Variants in SNX29 observed in about 807,000 individuals in gnomAD.
The protein encoded by SNX29 is sorting nexin-29.
SNX29 carries 78 observed loss-of-function variants against 102.1 expected under a neutral mutation model. That is an observed-to-expected ratio of 0.76 (90% confidence interval 0.64 to 0.92). The LOEUF is 0.92. Ranked by LOEUF, SNX29 falls within the 40% of genes least tolerant of loss-of-function variation. The pLI is 0.00. For synonymous variants in SNX29, 580 were observed against 414.5 expected, an observed-to-expected ratio of 1.40 and a Z score of -4.85; for missense variants, 1,280 against 1,061.7, an observed-to-expected ratio of 1.21 and a Z score of -2.86.
intron 20 of SNX29, among the ~76,000 whole-genome samples, chr16:12,548,759 A>ATC (rs1478352253): frequency 6.6e-6 from 1 of 152,144 alleles, no homozygotes; most frequent in Non-Finnish European, 1.5e-5. Flanking sequence ...TGCTGAGCTC[A>ATC]TCTCTCATCC....
chr16:12,069,229 G>T, intron 10 of SNX29, 97 bp downstream of exon 10: 1 of 1,001,824 alleles, frequency 1.0e-6, no homozygotes, highest in Admixed American at 2.3e-5. Context: ...CACCTGCTAG[G>T]ATTAAAGGGC....
At chr16:12,213,698 C>G (rs1308982218) in intron 14 of SNX29, among the ~76,000 whole-genome samples, 1 of 152,156 alleles carries the variant, frequency 6.6e-6, no homozygotes, top group Non-Finnish European at 1.5e-5. Context: ...ATAGAGCAAA[C>G]CTTTTCAAAA....
rs1286901151 is a variant in SNX29 at position 12,563,937 on chromosome 16, G to A, written c.2319-4569G>A. ...CGAAGACCTACAATACCTAGACGCT[G>A]ATCTTGTTCAAGAAAGACGAGGAAG... On this transcript the variant is annotated intron_variant, in intron 20 of 20. Coordinates refer to ENST00000566228, the MANE Select transcript of SNX29 (RefSeq NM_032167.5). Among the ~76,000 whole-genome samples, 4 of 152,334 alleles carry A rather than the reference G, an allele frequency of 2.6e-5. No individual in the cohort carries two copies. The South Asian group carries it at 6.2e-4, about 24-fold the overall frequency.
intron 20 of SNX29, among the ~76,000 whole-genome samples, chr16:12,563,719 A>C (rs140895886): frequency 0.016 from 2,507 of 152,332 alleles, 74 homozygotes; most frequent in Admixed American, 0.079. Context: ...GAGGAAAGCC[A>C]GAGATGGCAC....
intron 15 of SNX29, among the ~76,000 whole-genome samples, chr16:12,300,762 G>A (rs2151096753): frequency 6.6e-6 from 1 of 152,286 alleles, no homozygotes; most frequent in East Asian, 1.9e-4. Flanking sequence ...CAGCCTTGAT[G>A]ACATTTTGGA....
At chr16:12,015,267 G>T (rs561654538) in intron 3 of SNX29, among the ~76,000 whole-genome samples, 2 of 151,426 alleles carry the variant, frequency 1.3e-5, no homozygotes, top group East Asian at 3.9e-4. Flanking sequence ...ATATTTTTTG[G>T]AGATGGTGTC....
intron 20 of SNX29, among the ~76,000 whole-genome samples, chr16:12,565,745 A>G (rs751258812): frequency 1.3e-5 from 2 of 152,008 alleles, no homozygotes; most frequent in Non-Finnish European, 2.9e-5. Flanking sequence ...CCCCCTCCCC[A>G]TGGGCCTGCC....
rs1047589864 is a variant in SNX29, at chr16:12,325,318, G to A, written c.1783-30845G>A. Among the ~76,000 whole-genome samples, 7 of 152,132 alleles carry A rather than the reference G, an allele frequency of 4.6e-5. No homozygotes were observed. In the East Asian group the frequency reaches 7.7e-4, roughly 17 times the overall value. On this transcript the variant is annotated intron_variant, in intron 15 of 20. Transcript: ENST00000566228. ...CAGATTTTAATTTGACAAGGAAACC[G>A]CCTAAGAGGAAGGATTGAAAAGCCA...
intron 15 of SNX29, among the ~76,000 whole-genome samples, chr16:12,322,849 A>AGGGGACCACTGTCAGGATGCGGTCACTG (rs2080986657): frequency 2.1e-5 from 3 of 145,126 alleles, no homozygotes; most frequent in Non-Finnish European, 3.0e-5. Flanking sequence ...TGCGGTCACT[A>AGGGGACCACTGTCAGGATGCGGTCACTG]GGGGACCACT....
chr16:12,536,397 C>T (rs551481901), intron 20 of SNX29, among the ~76,000 whole-genome samples: 1 of 151,992 alleles, frequency 6.6e-6, no homozygotes, highest in South Asian at 2.1e-4. Context: ...ATTAAAGGTA[C>T]AAGCAGAATG....
chr16:12,087,263 T>C (rs944058827), intron 11 of SNX29: 4 of 158,094 alleles, frequency 2.5e-5, no homozygotes, highest in Admixed American at 2.3e-4. Flanking sequence ...CTGGGTATGG[T>C]GGTGGGTGCC....
At chr16:12,454,670 G>C (rs761803989) in intron 18 of SNX29, among the ~76,000 whole-genome samples, 1 of 152,202 alleles carries the variant, frequency 6.6e-6, no homozygotes, top group Non-Finnish European at 1.5e-5. Context: ...ACTTGAGCTT[G>C]AGTGCAGTGG....
chr16:12,545,898 C>G (rs968822928), intron 20 of SNX29, among the ~76,000 whole-genome samples: 2 of 152,098 alleles, frequency 1.3e-5, no homozygotes, highest in Non-Finnish European at 2.9e-5. Context: ...GGTGGGGTAC[C>G]TGGAGCATTC....
In SNX29 at chr16:12,044,392, G is replaced by C. The variant is rs1434347794; in HGVS notation, c.428+1315G>C. Reference sequence around the variant, plus strand: ...CTTAAAAATACTCTTAAAGTTCTCTGTTGCCTGTGGCTCCTTGTTCAATTG... The same window carrying C: ...CTTAAAAATACTCTTAAAGTTCTCTCTTGCCTGTGGCTCCTTGTTCAATTG... On this transcript the variant is annotated intron_variant, in intron 5 of 20. Transcript: ENST00000566228. Among the ~76,000 whole-genome samples, 5 of 152,204 alleles carry C rather than the reference G, an allele frequency of 3.3e-5. No individual in the cohort carries two copies. The East Asian group carries it at 9.7e-4, about 29-fold the overall frequency.
chr16:12,444,051 G>C (rs1424660004), intron 18 of SNX29, among the ~76,000 whole-genome samples: 1 of 147,956 alleles, frequency 6.8e-6, no homozygotes, highest in Non-Finnish European at 1.5e-5. Context: ...CTAGCACGTA[G>C]TAAGCACTCA....
chr16:12,505,072 C>G (rs2089309615), intron 19 of SNX29, among the ~76,000 whole-genome samples: 1 of 152,150 alleles, frequency 6.6e-6, no homozygotes, highest in Non-Finnish European at 1.5e-5. Flanking sequence ...GAATTTAAGA[C>G]CAGCCTGGGC....
intron 16 of SNX29, among the ~76,000 whole-genome samples, chr16:12,385,550 C>A (rs777817423): frequency 2.0e-4 from 31 of 152,196 alleles, no homozygotes; most frequent in Non-Finnish European, 3.8e-4. Context: ...TGTGTCCCTG[C>A]AGCCTCTGCT....
chr16:12,103,647 C>A (rs542592480), intron 11 of SNX29, among the ~76,000 whole-genome samples: 1 of 152,304 alleles, frequency 6.6e-6, no homozygotes, highest in South Asian at 2.1e-4. Flanking sequence ...GACTTCATGA[C>A]TAAAACACCA....
At chr16:12,533,235 A>T (rs974853798) in intron 20 of SNX29, among the ~76,000 whole-genome samples, 6 of 152,248 alleles carry the variant, frequency 3.9e-5, no homozygotes, top group African/African-American at 1.4e-4. Context: ...GTTTTGCCCA[A>T]AGGGCAGCTG....
Sources: gnomAD v4.1 joint callset for allele counts (sites outside exome capture counted in the v4.1 genomes callset) on GRCh38, gnomAD v4.1.1 for gene constraint, MANE v1.5 for transcripts, NCBI Gene and HGNC (gene_info 2026-07-23, HGNC 2026-07-21) for gene names.